The following RGS7 variants were observed in gnomAD, a reference collection of about 807,000 sequenced individuals.
The protein encoded by RGS7 is regulator of G protein signaling 7.
A neutral mutation model predicts 81.1 loss-of-function variants in RGS7; 27 were observed. The ratio of observed to expected loss-of-function variants is 0.33; its 90% confidence interval spans 0.25 to 0.46. The LOEUF (loss-of-function observed/expected upper bound fraction) is 0.46, where lower values mean the gene tolerates loss of function less well. Among genes scored for constraint, RGS7 ranks in the 20% least tolerant of loss-of-function variants. The pLI, the probability that RGS7 is intolerant of heterozygous loss-of-function variation, is 1.00. For missense variants in RGS7, 396 were observed against 607.4 expected, an observed-to-expected ratio of 0.65 and a Z score of 3.66; for synonymous variants, 208 against 207.7, an observed-to-expected ratio of 1.00 and a Z score of -0.01.
At chr1:241,051,055 T>G (rs1246657139) in intron 3 of RGS7, among the ~76,000 whole-genome samples, 1 of 152,112 alleles carries the variant, frequency 6.6e-6, no homozygotes, top group African/African-American at 2.4e-5. Flanking sequence ...GGTCTCTACT[T>G]GTACTCTTGC....
intron 2 of RGS7, among the ~76,000 whole-genome samples, chr1:241,259,179 T>C (rs978894792): frequency 3.3e-5 from 5 of 152,182 alleles, no homozygotes; most frequent in African/African-American, 1.2e-4. Flanking sequence ...ATCCGTTCAA[T>C]TTTCTCTGGC....
At chr1:241,227,833 A>G (rs1313053035) in intron 2 of RGS7, among the ~76,000 whole-genome samples, 2 of 152,210 alleles carry the variant, frequency 1.3e-5, no homozygotes, top group African/African-American at 4.8e-5. Context: ...ACTCCTTATC[A>G]TGATTTTACT....
intron 4 of RGS7, among the ~76,000 whole-genome samples, chr1:240,964,871 T>G (rs1235813862): frequency 6.6e-6 from 1 of 152,170 alleles, no homozygotes; most frequent in African/African-American, 2.4e-5. Context: ...AACATCCCTT[T>G]GTCTTTCCCG....
intron 2 of RGS7, among the ~76,000 whole-genome samples, chr1:241,193,903 G>C (rs748750072): frequency 9.9e-5 from 15 of 152,170 alleles, no homozygotes; most frequent in Non-Finnish European, 2.1e-4. Context: ...GCATCTGAAT[G>C]AATGTTCCTG....
chr1:241,281,267 A>G (rs1239934158), intron 2 of RGS7, among the ~76,000 whole-genome samples: 2 of 152,240 alleles, frequency 1.3e-5, no homozygotes, highest in African/African-American at 4.8e-5. Flanking sequence ...TTAAATTATA[A>G]TTGCATAAAA....
intron 2 of RGS7, among the ~76,000 whole-genome samples, chr1:241,209,046 T>C (rs1179491625): frequency 1.3e-5 from 2 of 152,236 alleles, no homozygotes; most frequent in African/African-American, 2.4e-5. Context: ...AGGCTGATGA[T>C]AGTAAATTCT....
At chr1:241,229,687 C>T (rs2075538655) in intron 2 of RGS7, among the ~76,000 whole-genome samples, 1 of 152,216 alleles carries the variant, frequency 6.6e-6, no homozygotes, top group Admixed American at 6.5e-5. Context: ...GGGAAATATG[C>T]ATCTTATCAG....
At chr1:241,098,624 G>C in intron 3 of RGS7, 42 bp downstream of exon 3, 1 of 1,288,820 alleles carries the variant, frequency 7.8e-7, no homozygotes, top group Non-Finnish European at 1.1e-6. Flanking sequence ...AGTTATCTAA[G>C]AGGTACAGGA....
chr1:241,252,110 C>T (rs2076861150), intron 2 of RGS7, among the ~76,000 whole-genome samples: 1 of 151,332 alleles, frequency 6.6e-6, no homozygotes, highest in Non-Finnish European at 1.5e-5. Context: ...ATGGTGTGAC[C>T]TCGGCTCACT....
chr1:241,350,882 A>G (rs755866191), intron 2 of RGS7, among the ~76,000 whole-genome samples: 1 of 152,150 alleles, frequency 6.6e-6, no homozygotes. Flanking sequence ...AGAATATGTC[A>G]GCTAGCTCAA....
chr1:241,334,455 T>TC (rs1020637060), intron 2 of RGS7, among the ~76,000 whole-genome samples: 1 of 151,870 alleles, frequency 6.6e-6, no homozygotes, highest in African/African-American at 2.4e-5. Context: ...TCAGTGATAC[T>TC]CCCCCCAGCC....
chr1:240,893,930 A>G (rs1244317389), intron 6 of RGS7, among the ~76,000 whole-genome samples: 1 of 152,156 alleles, frequency 6.6e-6, no homozygotes, highest in East Asian at 1.9e-4. Context: ...CTTTTATCCA[A>G]ACTGCTTCTC....
intron 2 of RGS7, among the ~76,000 whole-genome samples, chr1:241,185,472 A>G (rs2072013450): frequency 6.6e-6 from 1 of 152,198 alleles, no homozygotes; most frequent in Non-Finnish European, 1.5e-5. Flanking sequence ...AGAAGACATG[A>G]ACAACAGTAC....
chr1:241,240,344 A>T (rs1403685859), intron 2 of RGS7, among the ~76,000 whole-genome samples: 7 of 152,228 alleles, frequency 4.6e-5, no homozygotes, highest in African/African-American at 1.7e-4. Flanking sequence ...GGGAAGAAGC[A>T]ACGACTCAGT....
intron 6 of RGS7, among the ~76,000 whole-genome samples, chr1:240,908,766 G>A (rs1004667056): frequency 1.3e-5 from 2 of 152,136 alleles, no homozygotes; most frequent in African/African-American, 4.8e-5. Flanking sequence ...TAGGAGGACC[G>A]CTTGGTTTAC....
At chr1:241,022,175 T>C (rs1167833359) in intron 3 of RGS7, among the ~76,000 whole-genome samples, 2 of 152,210 alleles carry the variant, frequency 1.3e-5, no homozygotes, top group Non-Finnish European at 2.9e-5. Context: ...TCACATCATG[T>C]ATTAAAACCA....
At chr1:241,245,127 A>C (rs2076457420) in intron 2 of RGS7, among the ~76,000 whole-genome samples, 1 of 152,158 alleles carries the variant, frequency 6.6e-6, no homozygotes, top group Non-Finnish European at 1.5e-5. Flanking sequence ...AGAAAGTTGG[A>C]CTTAAGAACT....
rs567578706 is a variant in RGS7, at chr1:240,839,659, A to C, written c.610-12487T>G. Among the ~76,000 whole-genome samples the C allele has an allele frequency of 2.0e-5, 3 of 152,234 alleles. No homozygotes were observed. In the South Asian group the frequency reaches 6.2e-4, roughly 32 times the overall value. On this transcript the variant is annotated intron_variant, in intron 9 of 18. Coordinates refer to ENST00000440928, the MANE Select transcript of RGS7 (RefSeq NM_001364886.1). ...GTGGGGAGAAAAGTTAACTGAGGTGAAGGGCAGCATTCTTGGGTTGCATCT... is the reference window on the plus strand; with the variant it reads ...GTGGGGAGAAAAGTTAACTGAGGTGCAGGGCAGCATTCTTGGGTTGCATCT...
At chr1:241,034,537 T>G (rs1050304096) in intron 3 of RGS7, among the ~76,000 whole-genome samples, 1 of 151,822 alleles carries the variant, frequency 6.6e-6, no homozygotes, top group Non-Finnish European at 1.5e-5. Flanking sequence ...CAAGGTCCAT[T>G]TGATGACAAA....
Sources: allele counts gnomAD v4.1 joint callset (sites outside exome capture counted in the v4.1 genomes callset), GRCh38; gene constraint gnomAD v4.1.1; transcripts MANE v1.5; gene names NCBI Gene and HGNC (gene_info 2026-07-23, HGNC 2026-07-21).